HNRNPUL1: variants seen among roughly 807,000 people sequenced by gnomAD.
The protein encoded by HNRNPUL1 is heterogeneous nuclear ribonucleoprotein U-like protein 1.
HNRNPUL1 carries 14 observed loss-of-function variants against 108.5 expected under a neutral mutation model. The observed-to-expected ratio is 0.13, with a 90% CI of 0.09 to 0.20. The LOEUF (loss-of-function observed/expected upper bound fraction) is 0.20. Ranked by LOEUF, HNRNPUL1 falls within the 10% of genes least tolerant of loss-of-function variation. The probability of loss-of-function intolerance (pLI) is 1.00; values close to 1 mark genes in which losing one functional copy is unlikely to be tolerated. For missense variants in HNRNPUL1, 804 were observed against 1,168.3 expected (o/e 0.69, Z 4.55); for synonymous variants, 422 against 445.2 (o/e 0.95, Z 0.66).
chr19:41,301,218 A>G (rs1255375944), intron 10 of HNRNPUL1, among the ~76,000 whole-genome samples: 1 of 152,214 alleles, frequency 6.6e-6, no homozygotes, highest in Non-Finnish European at 1.5e-5. Context: ...TTTTTTACCA[A>G]GAGTATGTAT....
chr19:41,274,069 G>A lies in HNRNPUL1; in HGVS notation c.646+14G>A. The A allele has an allele frequency of 6.2e-7, 1 of 1,606,956 alleles. No homozygotes were observed. The highest frequency in any genetic ancestry group is 8.5e-7 in the Non-Finnish European group (1 of 1,173,458). On this transcript the variant is annotated intron_variant, in intron 4 of 14. Transcript: ENST00000392006. Reference sequence around the variant, plus strand: ...CTATTGACACCTGTAAGTCTTTGGAGTGTGCATCTAATTCTGCCTTACAGT... The same window carrying A: ...CTATTGACACCTGTAAGTCTTTGGAATGTGCATCTAATTCTGCCTTACAGT...
At chr19:41,287,950 A>G (rs1433428777) in intron 7 of HNRNPUL1, among the ~76,000 whole-genome samples, 1 of 151,984 alleles carries the variant, frequency 6.6e-6, no homozygotes, top group East Asian at 1.9e-4. Flanking sequence ...TTTTTTTCCC[A>G]TTGAAGAGTA....
intron 5 of HNRNPUL1, chr19:41,276,569 T>C (rs2035570623): frequency 6.6e-6 from 2 of 305,336 alleles, no homozygotes; most frequent in South Asian, 1.5e-4. Flanking sequence ...AGTGTAGTGA[T>C]GACATGTTTG....
intron 10 of HNRNPUL1, among the ~76,000 whole-genome samples, chr19:41,301,078 T>TA (rs974361475): frequency 1.3e-5 from 2 of 152,198 alleles, no homozygotes; most frequent in Non-Finnish European, 2.9e-5. Context: ...TCTTTTTGTG[T>TA]AAAAAAATCA....
At chr19:41,265,804 A>G (rs111299832) in intron 1 of HNRNPUL1, among the ~76,000 whole-genome samples, 3,821 of 151,964 alleles carry the variant, frequency 0.025, 175 homozygotes, top group African/African-American at 0.087. Flanking sequence ...CGGGAGACAG[A>G]GGATCCTGTG....
chr19:41,297,455 G>A (rs1284069459), intron 10 of HNRNPUL1, among the ~76,000 whole-genome samples: 2 of 152,164 alleles, frequency 1.3e-5, no homozygotes, highest in African/African-American at 4.8e-5. Context: ...GAGAGAGAAA[G>A]GTGGAGTAGA....
chr19:41,305,708 A>T lies in HNRNPUL1; in HGVS notation c.2295A>T (p.Gly765=), dbSNP rs1319199621. 1.9e-6 allele frequency: 3 copies of T among 1,614,006 alleles called. No homozygotes were observed. The highest frequency in any genetic ancestry group is 2.5e-6 in the Non-Finnish European group (3 of 1,180,026). The change falls in exon 14 of 15, where the codon GGA becomes GGT. Residue 765 remains glycine, a synonymous_variant. Coordinates refer to ENST00000392006, the MANE Select transcript of HNRNPUL1 (RefSeq NM_007040.6). ...PSYSQPPYNQ[G]GYSQGYTAPP... ...ACAGCCAGCCACCCTACAACCAGGG[A>T]GGTTACAGCCAGGGCTACACAGCCC...
Position 41,264,408 on chromosome 19 carries a change from C to T in HNRNPUL1, c.-96C>T, listed in dbSNP as rs966282143. 1.2e-5 allele frequency: 13 copies of T among 1,082,032 alleles called. No homozygotes were observed. The highest frequency in any genetic ancestry group is 1.6e-5 in the Non-Finnish European group (13 of 834,448). 67.0% of individuals were successfully genotyped at this position (1,082,032 alleles called of 1,614,324 possible). On this transcript the variant is annotated 5_prime_UTR_variant, in exon 1 of 15. Transcript: ENST00000392006. ...CTGCCGCCATTGGAGTGGGCCCCCC[C>T]CCTTTCCCCCTTCGCCTCCTGACAG...
intron 4 of HNRNPUL1, 133 bp downstream of exon 4, chr19:41,274,188 C>A: frequency 1.3e-6 from 1 of 740,840 alleles, no homozygotes; most frequent in South Asian, 1.6e-5. Context: ...CACGGCTTAG[C>A]TCTGGAGCAA....
intron 7 of HNRNPUL1, among the ~76,000 whole-genome samples, chr19:41,291,207 G>A (rs1176616053): frequency 6.6e-6 from 1 of 152,154 alleles, no homozygotes; most frequent in Non-Finnish European, 1.5e-5. Context: ...TTCTGTCACT[G>A]CTAGGCTTAT....
intron 7 of HNRNPUL1, 45 bp downstream of exon 7, chr19:41,281,320 G>A: frequency 7.6e-7 from 1 of 1,311,254 alleles, no homozygotes; most frequent in Admixed American, 1.7e-5. Context: ...CAGATGTTGG[G>A]CTACAGACTT....
rs2036611854 is a variant in HNRNPUL1 at position 41,292,011 on chromosome 19, T to G, written c.1000-234T>G. On this transcript the variant is annotated intron_variant, in intron 7 of 14. Transcript: ENST00000392006. This position sits in a 1 kb window ranked among gnomAD's most constrained non-coding sequence, Gnocchi z 4.1. The stretch of plus-strand genomic sequence containing the variant: ...AAAAAAAACAAAAAAAAAAAACTCT[T>G]GCTTACTTGCTTCATATCCACCAAC... 1 of 528,316 alleles carries G rather than the reference T, an allele frequency of 1.9e-6. No individual in the cohort carries two copies. The allele number at this position is 528,316 out of a possible 1,614,324, so 32.7% of individuals were successfully genotyped here.
In HNRNPUL1 at chr19:41,268,323, G is replaced by A; in HGVS notation, c.396G>A (p.Glu132=). The change falls in exon 2 of 15, where the codon GAG becomes GAA. Residue 132 remains glutamate (E), a synonymous_variant. Transcript: ENST00000392006. ...SGYERRPLEM[E]QQQAYRPEMK... ...ACGAGAGGAGACCACTGGAAATGGA[G>A]CAGCAGCAGGCCTATCGTCCAGGTA... 1 of 1,613,818 alleles carries A rather than the reference G, an allele frequency of 6.2e-7. No homozygotes were observed. The highest frequency in any genetic ancestry group is 8.5e-7 in the Non-Finnish European group (1 of 1,179,880).
chr19:41,302,943 C>G lies in HNRNPUL1; in HGVS notation c.1966C>G (p.Arg656Gly). ...AGGCAGCGGTGGAGGAGGCAACTAC[C>G]GAGGAGGTGAGACATCTCACACACA... ...GGGSGGGGNY[R>G]GGFNRSGGGG... Residue 656 changes from arginine (R) to glycine (G), a missense_variant, in exon 12 of 15, where the codon CGA becomes GGA. Around this residue, in one of 4 missense-constraint regions of HNRNPUL1, gnomAD observed 294 missense variants for 388.3 expected, o/e 0.76. Transcript: ENST00000392006. The G allele has an allele frequency of 1.3e-6, 2 of 1,524,496 alleles. No homozygotes were observed. The highest frequency in any genetic ancestry group is 2.3e-5 in the East Asian group (1 of 44,158). 94.4% of individuals were successfully genotyped at this position (1,524,496 alleles called of 1,614,324 possible). A position where few individuals can be genotyped will look rare whatever the true frequency, so the allele number is the denominator to read the frequency against.
chr19:41,275,499 T>A (rs1300359227), intron 4 of HNRNPUL1, among the ~76,000 whole-genome samples: 3 of 151,440 alleles, frequency 2.0e-5, no homozygotes, highest in Non-Finnish European at 4.4e-5. Context: ...AAAAAAAAAA[T>A]TAATTTGAAA....
At chr19:41,264,280 G>A (rs556687719), upstream of HNRNPUL1, 10 of 400,604 alleles carry the variant, frequency 2.5e-5, no homozygotes, top group East Asian at 1.4e-4. Context: ...CTAGGTTTCC[G>A]GGCCCGCGCC....
intron 2 of HNRNPUL1, among the ~76,000 whole-genome samples, chr19:41,271,559 T>C (rs1173378381): frequency 1.3e-5 from 2 of 152,202 alleles, no homozygotes; most frequent in African/African-American, 2.4e-5. Context: ...CCTACATCTG[T>C]GGTTTGCTCT....
Position 41,302,929 on chromosome 19 carries a change from G to A in HNRNPUL1, c.1952G>A (p.Gly651Glu). The A allele has an allele frequency of 1.3e-6, 2 of 1,528,364 alleles. No homozygotes were observed. Among genetic ancestry groups the A allele is most frequent in the Non-Finnish European group, 1.8e-6 (2 of 1,139,714 alleles). 94.7% of individuals were successfully genotyped at this position (1,528,364 alleles called of 1,614,324 possible). The change falls in exon 12 of 15, where the codon GGA (glycine) becomes GAA (glutamate). Residue 651 changes from glycine (G) to glutamate (E), a missense_variant. Transcript: ENST00000392006. ...CAGAACCGAGGGGGAGGCAGCGGTGGAGGAGGCAACTACCGAGGAGGTGAG... is the reference window on the plus strand; with the variant it reads ...CAGAACCGAGGGGGAGGCAGCGGTGAAGGAGGCAACTACCGAGGAGGTGAG... ...GFQNRGGGSG[G>E]GGNYRGGFNR...
At chr19:41,305,235 CACTT>C (rs2037470463) in intron 13 of HNRNPUL1, among the ~76,000 whole-genome samples, 1 of 152,182 alleles carries the variant, frequency 6.6e-6, no homozygotes, top group Non-Finnish European at 1.5e-5. Context: ...ACTTGGGAAG[CACTT>C]AGTCAATTGC....
Sources: allele counts gnomAD v4.1 joint callset (sites outside exome capture counted in the v4.1 genomes callset), GRCh38; gene constraint gnomAD v4.1.1; regional missense constraint gnomAD v4.1.1; non-coding constraint Gnocchi (gnomAD v3.1); transcripts MANE v1.5; gene names NCBI Gene and HGNC (gene_info 2026-07-23, HGNC 2026-07-21).